The following PKIB variants were observed in gnomAD, a reference collection of about 807,000 sequenced individuals.
PKIB encodes the protein PKI-beta.
A neutral mutation model predicts 4.5 loss-of-function variants in PKIB; 2 were observed. The ratio of observed to expected loss-of-function variants is 0.44; its 90% confidence interval spans 0.18 to 1.39. The LOEUF (loss-of-function observed/expected upper bound fraction) is 1.39, where lower values mean the gene tolerates loss of function less well. Ranked by LOEUF, PKIB falls within the 40% of genes most tolerant of loss-of-function variation. The probability of loss-of-function intolerance (pLI) is 0.27; values close to 1 mark genes in which losing one functional copy is unlikely to be tolerated. For missense variants in PKIB, 94 were observed against 92.6 expected (o/e 1.02, Z -0.06); for synonymous variants, 38 against 36.0 (o/e 1.06, Z -0.20).
At chr6:122,639,117 C>T (rs376679967) in intron 2 of PKIB, among the ~76,000 whole-genome samples, 19 of 152,234 alleles carry the variant, frequency 1.2e-4, no homozygotes, top group East Asian at 9.7e-4. Flanking sequence ...GTTTTAAGCA[C>T]GACTAACCAA....
chr6:122,707,865 G>C (rs6935831), intron 3 of PKIB, among the ~76,000 whole-genome samples: 26,646 of 152,114 alleles, frequency 0.18, 2,823 homozygotes, highest in Non-Finnish European at 0.23. Flanking sequence ...ACTGTTACTG[G>C]ATAGCGGGAT....
chr6:122,657,580 A>G (rs1308518993), intron 2 of PKIB, among the ~76,000 whole-genome samples: 2 of 152,356 alleles, frequency 1.3e-5, no homozygotes, highest in South Asian at 2.1e-4. Context: ...GAATGATTGC[A>G]GAAGTATTGG....
chr6:122,719,894 T>C (rs1236116799), intron 4 of PKIB, among the ~76,000 whole-genome samples: 3 of 151,964 alleles, frequency 2.0e-5, no homozygotes, highest in African/African-American at 7.2e-5. Flanking sequence ...CAATGAAAAA[T>C]TAAAGAGTAG....
intron 3 of PKIB, among the ~76,000 whole-genome samples, chr6:122,706,537 G>A (rs1779062543): frequency 6.6e-6 from 1 of 152,140 alleles, no homozygotes; most frequent in South Asian, 2.1e-4. Context: ...GTTTGCTGAG[G>A]TGTAATTTAA....
chr6:122,703,922 GTATATA>G (rs151131565), intron 3 of PKIB, among the ~76,000 whole-genome samples: 4 of 133,452 alleles, frequency 3.0e-5, no homozygotes, highest in Admixed American at 7.9e-5. Flanking sequence ...ATATATGTGT[GTATATA>G]TATATATATA....
At chr6:122,536,866 A>C (rs926968532) in intron 2 of PKIB, among the ~76,000 whole-genome samples, 2 of 152,004 alleles carry the variant, frequency 1.3e-5, no homozygotes, top group Non-Finnish European at 2.9e-5. Flanking sequence ...CAGGCATAAA[A>C]GACAGTATTT....
intron 3 of PKIB, among the ~76,000 whole-genome samples, chr6:122,591,730 G>C (rs1774025486): frequency 1.3e-5 from 2 of 151,466 alleles, no homozygotes; most frequent in South Asian, 4.2e-4. Flanking sequence ...TTATTTTTTT[G>C]AGACAAAATC....
chr6:122,487,949 C>T (rs1015227893), intron 2 of PKIB, among the ~76,000 whole-genome samples: 3 of 152,070 alleles, frequency 2.0e-5, no homozygotes, highest in Non-Finnish European at 4.4e-5. Flanking sequence ...ATTTATCACT[C>T]GTTTAAAGTG....
intron 1 of PKIB, among the ~76,000 whole-genome samples, chr6:122,632,477 C>T (rs1286001037): frequency 3.3e-5 from 5 of 152,170 alleles, no homozygotes; most frequent in African/African-American, 9.6e-5. Flanking sequence ...TCAGCTGTGG[C>T]CACCTCCACA....
chr6:122,689,119 C>A (rs1238754565), intron 3 of PKIB, among the ~76,000 whole-genome samples: 1 of 152,040 alleles, frequency 6.6e-6, no homozygotes, highest in Non-Finnish European at 1.5e-5. Context: ...GTAACATCTC[C>A]TTTTTCATCT....
intron 2 of PKIB, among the ~76,000 whole-genome samples, chr6:122,540,131 G>C (rs1376314935): frequency 6.6e-6 from 1 of 151,998 alleles, no homozygotes; most frequent in East Asian, 1.9e-4. Flanking sequence ...CAAAAAACCA[G>C]TTCCAGGATT....
At chr6:122,567,289 G>A (rs1773222604) in intron 2 of PKIB, among the ~76,000 whole-genome samples, 2 of 152,186 alleles carry the variant, frequency 1.3e-5, no homozygotes, top group African/African-American at 4.8e-5. Flanking sequence ...AATAGTGGCT[G>A]ATGAGAGTTG....
intron 1 of PKIB, among the ~76,000 whole-genome samples, chr6:122,620,469 C>T (rs1329169562): frequency 1.3e-5 from 2 of 152,310 alleles, no homozygotes; most frequent in Admixed American, 1.3e-4. Context: ...GCTAATAATT[C>T]AGCTTTCCAT....
chr6:122,504,212 ACT>A (rs1229887141), intron 2 of PKIB, among the ~76,000 whole-genome samples: 1 of 150,456 alleles, frequency 6.6e-6, no homozygotes, highest in African/African-American at 2.4e-5. Context: ...TGGCTGAAAA[ACT>A]CTAATAATCT....
intron 2 of PKIB, among the ~76,000 whole-genome samples, chr6:122,575,118 T>C (rs930179636): frequency 6.6e-6 from 1 of 152,074 alleles, no homozygotes; most frequent in African/African-American, 2.4e-5. Context: ...CAAACGAAGA[T>C]ACACAAACAG....
chr6:122,694,090 A>G (rs1778459816), intron 3 of PKIB, among the ~76,000 whole-genome samples: 1 of 152,204 alleles, frequency 6.6e-6, no homozygotes, highest in South Asian at 2.1e-4. Flanking sequence ...TTGGGTATAT[A>G]TGCAGTTAGA....
chr6:122,474,975 T>C (rs1775415372), intron 1 of PKIB, among the ~76,000 whole-genome samples: 2 of 152,204 alleles, frequency 1.3e-5, no homozygotes, highest in South Asian at 4.1e-4. Flanking sequence ...AAAATTTAGG[T>C]TTATGTAAGT....
intron 1 of PKIB, among the ~76,000 whole-genome samples, chr6:122,625,751 A>G (rs1033671543): frequency 2.0e-5 from 3 of 152,160 alleles, no homozygotes; most frequent in Non-Finnish European, 2.9e-5. Context: ...AATCAAGCAT[A>G]TATAATAGGG....
chr6:122,477,187 C>T (rs1336217075), intron 1 of PKIB, among the ~76,000 whole-genome samples: 1 of 152,144 alleles, frequency 6.6e-6, no homozygotes, highest in African/African-American at 2.4e-5. Flanking sequence ...ATTAAGAGCA[C>T]ATCTCCATTT....
Sources: allele counts gnomAD v4.1 joint callset (sites outside exome capture counted in the v4.1 genomes callset), GRCh38; gene constraint gnomAD v4.1.1; transcripts MANE v1.5; gene names NCBI Gene and HGNC (gene_info 2026-07-23, HGNC 2026-07-21).